Variants in PCYT1B observed in about 807,000 individuals in gnomAD.
PCYT1B encodes choline-phosphate cytidylyltransferase B.
In PCYT1B, 10 loss-of-function variants were observed where a neutral mutation model predicts 26.4. The ratio of observed to expected loss-of-function variants is 0.38; its 90% CI spans 0.23 to 0.64. The LOEUF is 0.64. Ranked by LOEUF, PCYT1B falls within the 30% of genes least tolerant of loss-of-function variation. PCYT1B has a pLI of 0.56. For missense variants in PCYT1B, 161 were observed against 292.7 expected (o/e 0.55, Z 3.28); for synonymous variants, 131 against 108.4 (o/e 1.21, Z -1.29).
upstream of PCYT1B, among the ~76,000 whole-genome samples, chrX:24,649,110 A>G (rs930385898): frequency 5.4e-5 from 6 of 111,003 alleles, no homozygotes; most frequent in Non-Finnish European, 9.4e-5. Context: ...TGAGAATTCC[A>G]GTGATGCTTC....
intron 1 of PCYT1B, among the ~76,000 whole-genome samples, chrX:24,657,862 T>C (rs3848958): frequency 0.5 from 55,322 of 111,057 alleles, 10,463 homozygotes; most frequent in East Asian, 0.69. Flanking sequence ...TAAAGTAGAA[T>C]TGCTGAGTCA....
chrX:24,601,249 T>G (rs1246409171), intron 3 of PCYT1B, among the ~76,000 whole-genome samples: 1 of 111,889 alleles, frequency 8.9e-6, no homozygotes, highest in Non-Finnish European at 1.9e-5. Flanking sequence ...TCCCAGCACT[T>G]TGGGAGGCCG....
At position 24,562,091 on chromosome X, in the gene PCYT1B, G is replaced by T. The variant is rs1923438819; in HGVS notation, c.*202C>A. 1 of 1,210,352 alleles carries T rather than the reference G, an allele frequency of 8.3e-7. No individual in the cohort carries two copies. The highest frequency in any genetic ancestry group is 1.1e-6 in the Non-Finnish European group (1 of 894,285). ...GTTTGTGTAGGTTGTCCAGCTAGAAGTCTCTGCACCTCGCCCAACTCTTCA... is the reference window on the plus strand; with the variant it reads ...GTTTGTGTAGGTTGTCCAGCTAGAATTCTCTGCACCTCGCCCAACTCTTCA... On this transcript the variant is annotated 3_prime_UTR_variant, in exon 8 of 8. Coordinates refer to ENST00000379144, the MANE Select transcript of PCYT1B (RefSeq NM_004845.5).
chrX:24,607,406 C>G (rs893408457), intron 3 of PCYT1B, among the ~76,000 whole-genome samples: 1 of 112,207 alleles, frequency 8.9e-6, no homozygotes, highest in Non-Finnish European at 1.9e-5. Flanking sequence ...AATAATATTG[C>G]TTCTCTTATC....
chrX:24,642,576 T>C (rs1451232227), intron 1 of PCYT1B, among the ~76,000 whole-genome samples: 4 of 111,980 alleles, frequency 3.6e-5, no homozygotes, highest in Admixed American at 2.9e-4. Flanking sequence ...AATTGATTGA[T>C]TCCATGCTAA....
At chrX:24,596,168 G>A (rs1924772303) in intron 3 of PCYT1B, among the ~76,000 whole-genome samples, 1 of 112,023 alleles carries the variant, frequency 8.9e-6, no homozygotes, top group African/African-American at 3.2e-5. Context: ...ACACAAACTT[G>A]TAAATTAAAA....
chrX:24,638,283 A>G (rs745782378), intron 1 of PCYT1B, among the ~76,000 whole-genome samples: 243 of 111,490 alleles, frequency 2.2e-3, no homozygotes, highest in Middle Eastern at 4.6e-3. Flanking sequence ...ACTATTACAC[A>G]GGCGCACACT....
At chrX:24,589,944 T>G in intron 4 of PCYT1B, 79 bp downstream of exon 4, 2 of 847,739 alleles carry the variant, frequency 2.4e-6, no homozygotes, top group Admixed American at 5.8e-5. Context: ...GAGAGAGACT[T>G]TGGGCTTTCC....
chrX:24,637,457 C>T (rs1243466126), intron 1 of PCYT1B, among the ~76,000 whole-genome samples: 1 of 75,970 alleles, frequency 1.3e-5, no homozygotes, highest in African/African-American at 7.1e-5. Flanking sequence ...TCCTGGCCAA[C>T]ATGGTGAAAC....
intron 3 of PCYT1B, among the ~76,000 whole-genome samples, chrX:24,606,313 C>T (rs956029411): frequency 2.7e-5 from 3 of 111,641 alleles, no homozygotes; most frequent in African/African-American, 9.8e-5. Flanking sequence ...AAAGCCCAAA[C>T]ACTGCAGAGG....
chrX:24,569,112 A>T (rs1357432722), intron 7 of PCYT1B, among the ~76,000 whole-genome samples: 1 of 110,843 alleles, frequency 9.0e-6, no homozygotes, highest in Non-Finnish European at 1.9e-5. Context: ...AACAACAACA[A>T]CAACAATCTT....
rs61009568 is a variant in PCYT1B at position 24,562,730 on chromosome X, C to CT, written c.898-226dup. Among the ~76,000 whole-genome samples, 264 of 90,045 alleles carry CT rather than the reference C, an allele frequency of 2.9e-3. 1 individual carries two copies. Among genetic ancestry groups the CT allele is most frequent in the East Asian group, 0.015 (43 of 2,820 alleles). The allele number at this position is 90,045 out of a possible 115,157, so 78.2% of individuals were successfully genotyped here. Reference sequence around the variant, plus strand: ...CAGTCACCACTGGTTCTTTTTTTCTCTTTTTTTTTTTTTTTGAGACAGAGT... The same window carrying CT: ...CAGTCACCACTGGTTCTTTTTTTCTCTTTTTTTTTTTTTTTTGAGACAGAGT... On this transcript the variant is annotated intron_variant, in intron 7 of 7. Coordinates refer to ENST00000379144, the MANE Select transcript of PCYT1B (RefSeq NM_004845.5).
At chrX:24,664,685 C>T (rs767055786) in intron 1 of PCYT1B, among the ~76,000 whole-genome samples, 23 of 112,429 alleles carry the variant, frequency 2.0e-4, no homozygotes, top group Admixed American at 5.7e-4. Flanking sequence ...TGGCCAGGTG[C>T]AGTGGCTCAC....
At chrX:24,652,183 T>C (rs1480685806), upstream of PCYT1B, among the ~76,000 whole-genome samples, 1 of 112,524 alleles carries the variant, frequency 8.9e-6, no homozygotes, top group Non-Finnish European at 1.9e-5. Flanking sequence ...CATGATTATT[T>C]CTACTGTTTA....
intron 1 of PCYT1B, among the ~76,000 whole-genome samples, chrX:24,631,533 T>A (rs889574530): frequency 4.5e-5 from 5 of 111,289 alleles, no homozygotes; most frequent in Non-Finnish European, 7.5e-5. Context: ...AAAAAAAAAA[T>A]ATTTTGGTTC....
chrX:24,584,464 G>T (rs752117708), intron 5 of PCYT1B, among the ~76,000 whole-genome samples: 1 of 112,182 alleles, frequency 8.9e-6, no homozygotes, highest in South Asian at 3.7e-4. Flanking sequence ...AGTGTATGAG[G>T]TTTCCTTCCT....
intron 1 of PCYT1B, among the ~76,000 whole-genome samples, chrX:24,639,175 A>G (rs1926389864): frequency 8.9e-6 from 1 of 112,698 alleles, no homozygotes; most frequent in African/African-American, 3.2e-5. Flanking sequence ...GCATGAGCTC[A>G]AACAGAACAT....
chrX:24,570,452 C>G (rs759813053), intron 7 of PCYT1B, among the ~76,000 whole-genome samples: 6 of 108,892 alleles, frequency 5.5e-5, no homozygotes, highest in African/African-American at 2.0e-4. Flanking sequence ...TGGGGTTTCA[C>G]CACGTTGGCC....
intron 1 of PCYT1B, among the ~76,000 whole-genome samples, chrX:24,639,221 A>G (rs941231629): frequency 1.8e-5 from 2 of 112,678 alleles, no homozygotes; most frequent in Non-Finnish European, 3.7e-5. Flanking sequence ...AATGAAAGCT[A>G]GAATCACACT....
Sources: allele counts gnomAD v4.1 joint callset (sites outside exome capture counted in the v4.1 genomes callset), GRCh38; gene constraint gnomAD v4.1.1; transcripts MANE v1.5; gene names NCBI Gene and HGNC (gene_info 2026-07-23, HGNC 2026-07-21).